REDIC1: variants seen among roughly 807,000 people sequenced by gnomAD.
The protein encoded by REDIC1 is regulator of DNA class I crossover intermediates 1, also known as HEI10 Interacting Protein 1.
chr12:39,730,797 G>C, the REDIC1 span, among the ~76,000 whole-genome samples: 6 of 152,104 alleles, frequency 3.9e-5, no homozygotes, highest in Non-Finnish European at 7.3e-5. Flanking sequence ...CTAATCAAAT[G>C]TAGGTTTGGT....
At chr12:39,723,148 G>A in the REDIC1 span, among the ~76,000 whole-genome samples, 1 of 152,138 alleles carries the variant, frequency 6.6e-6, no homozygotes, top group Non-Finnish European at 1.5e-5. Flanking sequence ...GAGGATGACT[G>A]AAAGCTCCCT....
chr12:39,672,249 G>A, the REDIC1 span, among the ~76,000 whole-genome samples: 1 of 152,100 alleles, frequency 6.6e-6, no homozygotes, highest in Non-Finnish European at 1.5e-5. Flanking sequence ...GGCTGGGTGG[G>A]CCTGTTCTCA....
At chr12:39,808,633 G>T in the REDIC1 span, among the ~76,000 whole-genome samples, 24 of 152,192 alleles carry the variant, frequency 1.6e-4, no homozygotes, top group East Asian at 4.2e-3. Context: ...TAGTTGGTGT[G>T]CTGTAGCATG....
the REDIC1 span, among the ~76,000 whole-genome samples, chr12:39,867,404 T>C: frequency 6.6e-6 from 1 of 152,104 alleles, no homozygotes; most frequent in Non-Finnish European, 1.5e-5. Flanking sequence ...TAAATATTGG[T>C]TGAATGGATG....
the REDIC1 span, among the ~76,000 whole-genome samples, chr12:39,849,058 G>T: frequency 1.3e-5 from 2 of 151,952 alleles, no homozygotes; most frequent in African/African-American, 4.8e-5. Flanking sequence ...GAACAAAAAA[G>T]ATAACTATTG....
chr12:39,759,341 G>T, the REDIC1 span: 2 of 152,110 alleles, frequency 1.3e-5, no homozygotes, highest in African/African-American at 2.4e-5. Flanking sequence ...GCAAAAAAAA[G>T]AAGTATGAAA....
chr12:39,743,101 A>G, the REDIC1 span, among the ~76,000 whole-genome samples: 2 of 152,132 alleles, frequency 1.3e-5, no homozygotes, highest in Non-Finnish European at 2.9e-5. Context: ...GGGAAGAGAC[A>G]ATTAACCATT....
the REDIC1 span, chr12:39,643,699 CAT>C: frequency 9.8e-7 from 1 of 1,025,440 alleles, no homozygotes; most frequent in South Asian, 1.7e-5. Context: ...GACTTAATAA[CAT>C]GATTGCTTTT....
the REDIC1 span, chr12:39,646,502 T>C: frequency 6.7e-7 from 1 of 1,503,674 alleles, no homozygotes; most frequent in Non-Finnish European, 8.9e-7. Context: ...GTGTTTAAAC[T>C]GGTTATTAAC....
chr12:39,692,244 A>G, the REDIC1 span: 5 of 835,500 alleles, frequency 6.0e-6, no homozygotes, highest in Non-Finnish European at 8.6e-6. Context: ...AGTACTACTA[A>G]TGCAATTGAC....
At chr12:39,697,355 A>T in the REDIC1 span, among the ~76,000 whole-genome samples, 1 of 152,248 alleles carries the variant, frequency 6.6e-6, no homozygotes, top group African/African-American at 2.4e-5. Context: ...TCTGCAAGAA[A>T]ATACTAAAAG....
chr12:39,647,696 G>A, the REDIC1 span: 1 of 905,680 alleles, frequency 1.1e-6, no homozygotes, highest in Non-Finnish European at 1.6e-6. Flanking sequence ...TGTAACCCCT[G>A]CCCTTTTCAC....
the REDIC1 span, among the ~76,000 whole-genome samples, chr12:39,660,153 G>A: frequency 1.1e-4 from 16 of 152,210 alleles, no homozygotes; most frequent in African/African-American, 3.4e-4. Context: ...CACAGCCTTC[G>A]GCAATTACTT....
the REDIC1 span, among the ~76,000 whole-genome samples, chr12:39,844,749 T>C: frequency 6.6e-6 from 1 of 152,046 alleles, no homozygotes; most frequent in Admixed American, 6.6e-5. Flanking sequence ...GAGCTTTTCA[T>C]GGATTTTGGA....
chr12:39,849,525 A>T, the REDIC1 span, among the ~76,000 whole-genome samples: 2 of 152,116 alleles, frequency 1.3e-5, no homozygotes, highest in African/African-American at 2.4e-5. Flanking sequence ...GGTGCTCATG[A>T]CTGCCTCTAT....
At chr12:39,884,637 C>A in the REDIC1 span, among the ~76,000 whole-genome samples, 3 of 152,046 alleles carry the variant, frequency 2.0e-5, no homozygotes, top group East Asian at 5.8e-4. Context: ...GGTGGGAGCC[C>A]ATAACACTGA....
chr12:39,713,094 T>C, the REDIC1 span, among the ~76,000 whole-genome samples: 1 of 149,258 alleles, frequency 6.7e-6, no homozygotes, highest in South Asian at 2.1e-4. Context: ...TATGTGTAGA[T>C]ATGTGCATAT....
chr12:39,702,461 G>A, the REDIC1 span, among the ~76,000 whole-genome samples: 1 of 151,610 alleles, frequency 6.6e-6, no homozygotes, highest in Non-Finnish European at 1.5e-5. Context: ...CAACCAAAAA[G>A]AGTCCAGGAC....
At chr12:39,714,338 T>TATATG in the REDIC1 span, among the ~76,000 whole-genome samples, 3 of 148,436 alleles carry the variant, frequency 2.0e-5, no homozygotes, top group South Asian at 2.1e-4. Context: ...TGTATATATG[T>TATATG]CTGAATATAT....
Sources: allele counts gnomAD v4.1 joint callset (sites outside exome capture counted in the v4.1 genomes callset), GRCh38; gene constraint gnomAD v4.1.1; transcripts MANE v1.5; gene names NCBI Gene and HGNC (gene_info 2026-07-23, HGNC 2026-07-21).